The following ZNF804B variants were observed in gnomAD, a reference collection of about 807,000 sequenced individuals.
The protein encoded by ZNF804B is zinc finger protein 804B, also known as zinc finger 804B.
Under a neutral mutation model 101.4 loss-of-function variants are expected in ZNF804B, and 80 were observed. The observed-to-expected ratio is 0.79, with a 90% confidence interval of 0.66 to 0.95. ZNF804B has a LOEUF of 0.95. Ranked by LOEUF, ZNF804B falls within the 40% of genes least tolerant of loss-of-function variation. The pLI is 0.00. For synonymous variants in ZNF804B, 622 were observed against 558.8 expected (o/e 1.11, Z -1.59); for missense variants, 1,673 against 1,561.9 (o/e 1.07, Z -1.20).
At chr7:89,167,127 G>GT in intron 1 of ZNF804B, among the ~76,000 whole-genome samples, 1 of 151,748 alleles carries the variant, frequency 6.6e-6, no homozygotes. Flanking sequence ...TTGTCTGCTA[G>GT]TTTTTTTGAA....
intron 1 of ZNF804B, among the ~76,000 whole-genome samples, chr7:89,193,627 A>G (rs1188169845): frequency 6.6e-6 from 1 of 151,822 alleles, no homozygotes; most frequent in Non-Finnish European, 1.5e-5. Flanking sequence ...CCATGTTCCT[A>G]CAAAGGACAT....
intron 1 of ZNF804B, among the ~76,000 whole-genome samples, chr7:88,839,013 T>C (rs573662880): frequency 6.6e-6 from 1 of 152,064 alleles, no homozygotes; most frequent in East Asian, 1.9e-4. Flanking sequence ...TACGGTTAAC[T>C]GTATTTTCCA....
chr7:88,856,813 T>G (rs564191493), intron 1 of ZNF804B, among the ~76,000 whole-genome samples: 2 of 152,192 alleles, frequency 1.3e-5, no homozygotes, highest in African/African-American at 4.8e-5. Flanking sequence ...GTTTTTAGTA[T>G]GAAGGGCTGT....
At chr7:88,789,668 C>A (rs542709953) in intron 1 of ZNF804B, among the ~76,000 whole-genome samples, 12 of 152,042 alleles carry the variant, frequency 7.9e-5, no homozygotes, top group Admixed American at 2.0e-4. Flanking sequence ...AACTTTAATT[C>A]TGCATTAAAT....
chr7:89,182,495 C>G (rs374618575), intron 1 of ZNF804B, among the ~76,000 whole-genome samples: 1 of 152,124 alleles, frequency 6.6e-6, no homozygotes, highest in Non-Finnish European at 1.5e-5. Flanking sequence ...GACCAACACT[C>G]TTGAGGGAAT....
intron 1 of ZNF804B, among the ~76,000 whole-genome samples, chr7:88,969,601 T>C (rs1309451845): frequency 6.6e-6 from 1 of 151,652 alleles, no homozygotes; most frequent in African/African-American, 2.4e-5. Context: ...ACAAACTGTT[T>C]ACTTCTAACA....
chr7:89,225,845 T>TA (rs1708961721), intron 2 of ZNF804B, among the ~76,000 whole-genome samples: 1 of 152,122 alleles, frequency 6.6e-6, no homozygotes, highest in Admixed American at 6.5e-5. Flanking sequence ...AAGCAAATGA[T>TA]ATGACTAGAT....
chr7:89,047,594 T>C (rs2116258940), intron 1 of ZNF804B, among the ~76,000 whole-genome samples: 1 of 152,242 alleles, frequency 6.6e-6, no homozygotes, highest in South Asian at 2.1e-4. Flanking sequence ...CTGAATGAGG[T>C]AGCCAAATAT....
At chr7:89,032,955 AT>A (rs934040775) in intron 1 of ZNF804B, among the ~76,000 whole-genome samples, 1 of 151,866 alleles carries the variant, frequency 6.6e-6, no homozygotes, top group African/African-American at 2.4e-5. Context: ...TGATAAAAAC[AT>A]TTGAAATTTA....
chr7:88,847,845 T>G (rs1791398160), intron 1 of ZNF804B, among the ~76,000 whole-genome samples: 1 of 152,148 alleles, frequency 6.6e-6, no homozygotes, highest in African/African-American at 2.4e-5. Context: ...AGTAGTTGCT[T>G]TGGTTCTTAG....
In ZNF804B at chr7:89,317,031, A is replaced by G. The variant is rs1584121559; in HGVS notation, c.250-10313A>G. Among the ~76,000 whole-genome samples, 4 of 152,310 alleles carry G rather than the reference A, an allele frequency of 2.6e-5. No individual in the cohort carries two copies. The South Asian group carries it at 6.2e-4, about 24-fold the overall frequency. On this transcript the variant is annotated intron_variant, in intron 2 of 3. Coordinates refer to ENST00000333190, the MANE Select transcript of ZNF804B (RefSeq NM_181646.5). Reference sequence around the variant, plus strand: ...CAAGTACAGAGAAATGTTATCTACAATGGAGGGAGGTCAGGACTATTGAGA... The same window carrying G: ...CAAGTACAGAGAAATGTTATCTACAGTGGAGGGAGGTCAGGACTATTGAGA...
chr7:88,831,061 A>C (rs960959213), intron 1 of ZNF804B, among the ~76,000 whole-genome samples: 2 of 151,986 alleles, frequency 1.3e-5, no homozygotes, highest in African/African-American at 4.8e-5. Context: ...GTGTTAAAAT[A>C]TAGTTCATAT....
At chr7:88,924,143 T>A (rs934771803) in intron 1 of ZNF804B, among the ~76,000 whole-genome samples, 1 of 152,160 alleles carries the variant, frequency 6.6e-6, no homozygotes, top group African/African-American at 2.4e-5. Context: ...CCTTCATAAA[T>A]GGCTGTAGTA....
intron 2 of ZNF804B, among the ~76,000 whole-genome samples, chr7:89,220,162 C>T (rs1335373392): frequency 1.5e-5 from 2 of 129,338 alleles, no homozygotes; most frequent in East Asian, 2.0e-4. Flanking sequence ...TATATATATA[C>T]GCACATATAT....
At chr7:89,333,165 C>T (rs1313430466) in intron 3 of ZNF804B, among the ~76,000 whole-genome samples, 198 bp from the exon 4 acceptor site, 1 of 151,858 alleles carries the variant, frequency 6.6e-6, no homozygotes, top group Non-Finnish European at 1.5e-5. Context: ...CAAAATACTA[C>T]ATGTAAACAA....
intron 1 of ZNF804B, among the ~76,000 whole-genome samples, chr7:88,895,077 GA>G (rs1217949180): frequency 4.6e-5 from 7 of 152,152 alleles, no homozygotes; most frequent in African/African-American, 1.7e-4. Flanking sequence ...TGGGGGTATA[GA>G]TTTTTTTATT....
intron 1 of ZNF804B, among the ~76,000 whole-genome samples, chr7:88,994,390 C>T (rs1225280505): frequency 2.0e-5 from 3 of 151,870 alleles, no homozygotes; most frequent in Non-Finnish European, 4.4e-5. Context: ...ATTTATGTAC[C>T]TTTGACAGAT....
chr7:88,988,439 A>G (rs1400946613), intron 1 of ZNF804B, among the ~76,000 whole-genome samples: 1 of 152,108 alleles, frequency 6.6e-6, no homozygotes, highest in Non-Finnish European at 1.5e-5. Context: ...TTGATATATC[A>G]TTGTGAAAAA....
Position 89,270,246 on chromosome 7 carries a change from G to T in ZNF804B, c.249+51951G>T, listed in dbSNP as rs150642897. 1.3e-3 allele frequency among the ~76,000 whole-genome samples: 191 copies of T among 152,262 alleles called. 1 individual carries two copies. The highest frequency in any genetic ancestry group is 4.2e-3 in the African/African-American group (176 of 41,548). On this transcript the variant is annotated intron_variant, in intron 2 of 3. Coordinates refer to ENST00000333190, the MANE Select transcript of ZNF804B (RefSeq NM_181646.5). ...CCATCTTGAATTAATTTTTGTATAA[G>T]GTGTAAGGAAGGGATCCACTTTCAG...
Sources: gnomAD v4.1 joint callset for allele counts (sites outside exome capture counted in the v4.1 genomes callset) on GRCh38, gnomAD v4.1.1 for gene constraint, MANE v1.5 for transcripts, NCBI Gene and HGNC (gene_info 2026-07-23, HGNC 2026-07-21) for gene names.